Variants in RNGTT observed in about 807,000 individuals in gnomAD.
The protein encoded by RNGTT is RNA guanylyltransferase and 5'-phosphatase.
RNGTT carries 33 observed loss-of-function variants against 79.3 expected under a neutral mutation model. The observed-to-expected ratio is 0.42, with a 90% CI of 0.32 to 0.56. The LOEUF (loss-of-function observed/expected upper bound fraction) is 0.56, where lower values mean the gene tolerates loss of function less well. Ranked by LOEUF, RNGTT falls within the 20% of genes least tolerant of loss-of-function variation. The pLI is 0.17. For missense variants in RNGTT, 497 were observed against 739.1 expected, an observed-to-expected ratio of 0.67 and a Z score of 3.80; for synonymous variants, 222 against 235.9, an observed-to-expected ratio of 0.94 and a Z score of 0.54.
chr6:88,754,094 TA>T (rs1246314400), intron 13 of RNGTT, among the ~76,000 whole-genome samples: 1 of 152,054 alleles, frequency 6.6e-6, no homozygotes, highest in Non-Finnish European at 1.5e-5. Flanking sequence ...AAATTAAAAA[TA>T]AACTATTAAG....
intron 1 of RNGTT, among the ~76,000 whole-genome samples, chr6:88,956,352 CAT>C (rs1468156095): frequency 2.6e-5 from 4 of 151,190 alleles, no homozygotes; most frequent in Non-Finnish European, 5.9e-5. Flanking sequence ...CTGAAACAGT[CAT>C]AAAAAAACTG....
At chr6:88,879,744 AAT>A (rs1170232714) in intron 8 of RNGTT, among the ~76,000 whole-genome samples, 1 of 152,190 alleles carries the variant, frequency 6.6e-6, no homozygotes, top group Admixed American at 6.5e-5. Flanking sequence ...CTTTATATTA[AAT>A]ATGTTTCCCT....
At chr6:88,757,735 T>C (rs751412862) in intron 13 of RNGTT, among the ~76,000 whole-genome samples, 4 of 152,172 alleles carry the variant, frequency 2.6e-5, no homozygotes, top group Non-Finnish European at 5.9e-5. Flanking sequence ...TAACAAAACA[T>C]AACAAAATAC....
At chr6:88,928,653 G>A (rs1319432998) in intron 4 of RNGTT, among the ~76,000 whole-genome samples, 1 of 151,900 alleles carries the variant, frequency 6.6e-6, no homozygotes, top group East Asian at 1.9e-4. Context: ...CAGAAATCCT[G>A]AATAAAAAAG....
chr6:88,850,424 TAAGGACATTA>T lies in RNGTT; in HGVS notation c.1033-608_1033-599del, dbSNP rs557884969. On this transcript the variant is annotated intron_variant, in intron 9 of 15. Transcript: ENST00000369485. ...AAAAATGCAGTCTGACAGAACAAGA[TAAGGACATTA>T]AAGGATGACTACAGGTATAAAATGC... 3.9e-3 allele frequency among the ~76,000 whole-genome samples: 587 copies of T among 152,040 alleles called. 3 individuals are homozygous for T. The highest frequency in any genetic ancestry group is 0.014 in the African/African-American group (566 of 41,546).
chr6:88,739,732 T>C (rs1485091014), intron 13 of RNGTT, among the ~76,000 whole-genome samples: 1 of 15,114 alleles, frequency 6.6e-5, no homozygotes, highest in African/African-American at 2.3e-4. Context: ...AAATTATATA[T>C]ATATATATAT....
At chr6:88,768,310 T>C (rs1159684504) in intron 13 of RNGTT, among the ~76,000 whole-genome samples, 1 of 152,038 alleles carries the variant, frequency 6.6e-6, no homozygotes, top group East Asian at 1.9e-4. Flanking sequence ...GCCTCCTTAT[T>C]TTGCCCAGAC....
chr6:88,851,058 G>GA (rs1484725147), intron 9 of RNGTT, among the ~76,000 whole-genome samples: 2 of 151,852 alleles, frequency 1.3e-5, no homozygotes, highest in African/African-American at 4.8e-5. Flanking sequence ...TATAGGTGAT[G>GA]AAATGTTCTG....
chr6:88,926,626 T>G (rs75416210), intron 4 of RNGTT, among the ~76,000 whole-genome samples: 5,230 of 152,330 alleles, frequency 0.034, 322 homozygotes, highest in African/African-American at 0.12. Flanking sequence ...ACTTCTGTTA[T>G]AGAAGAGAGA....
chr6:88,846,092 A>G (rs1293665016), intron 10 of RNGTT, among the ~76,000 whole-genome samples: 3 of 152,188 alleles, frequency 2.0e-5, no homozygotes, highest in African/African-American at 4.8e-5. Flanking sequence ...AAATTCACCA[A>G]ACTTCAAGAA....
At chr6:88,946,716 A>C (rs1289552870) in intron 1 of RNGTT, among the ~76,000 whole-genome samples, 1 of 150,084 alleles carries the variant, frequency 6.7e-6, no homozygotes, top group Non-Finnish European at 1.5e-5. Context: ...CCGAAGCTGG[A>C]CTGTACTGCT....
chr6:88,809,817 G>A (rs1018724074), intron 11 of RNGTT, among the ~76,000 whole-genome samples: 1 of 152,150 alleles, frequency 6.6e-6, no homozygotes. Context: ...GGGAGGCTGA[G>A]GTGGGAGGAT....
intron 8 of RNGTT, among the ~76,000 whole-genome samples, chr6:88,859,916 C>T (rs932291442): frequency 6.6e-6 from 1 of 152,120 alleles, no homozygotes; most frequent in African/African-American, 2.4e-5. Flanking sequence ...GCCCCTAACA[C>T]AGAATAAAAG....
chr6:88,716,619 AT>A (rs1407630279), intron 13 of RNGTT, among the ~76,000 whole-genome samples: 1 of 152,244 alleles, frequency 6.6e-6, no homozygotes, highest in Non-Finnish European at 1.5e-5. Context: ...CATATACACC[AT>A]GGAATACTAT....
At position 88,611,750 on chromosome 6, in the gene RNGTT, C is replaced by T. The variant is rs916459026; in HGVS notation, c.*969G>A. On this transcript the variant is annotated 3_prime_UTR_variant, in exon 16 of 16. Coordinates refer to ENST00000369485, the MANE Select transcript of RNGTT (RefSeq NM_003800.5). ...GACAGCATTCTATTCCATGACATTA[C>T]CTTCTAATCAAAGAAGTTAGCTGGC... The T allele has an allele frequency of 6.6e-6, 1 of 152,614 alleles. No homozygotes were observed. The highest frequency in any genetic ancestry group is 1.5e-5 in the Non-Finnish European group (1 of 68,018). The allele number at this position is 152,614 out of a possible 1,614,324, so 9.5% of individuals were successfully genotyped here.
chr6:88,812,619 T>C lies in RNGTT; in HGVS notation c.1270-10987A>G, dbSNP rs368448440. Among the ~76,000 whole-genome samples the C allele has an allele frequency of 1.3e-4, 20 of 152,158 alleles. No individual in the cohort carries two copies. The East Asian group carries it at 1.3e-3, about 10-fold the overall frequency. Reference sequence around the variant, plus strand: ...AGTGGGGAGACCCCAAACTCAAATGTCTATACGTGCCAGGCCATAACCTGA... The same window carrying C: ...AGTGGGGAGACCCCAAACTCAAATGCCTATACGTGCCAGGCCATAACCTGA... On this transcript the variant is annotated intron_variant, in intron 11 of 15. Transcript: ENST00000369485.
At chr6:88,763,362 T>C (rs1439251483) in intron 13 of RNGTT, among the ~76,000 whole-genome samples, 3 of 151,660 alleles carry the variant, frequency 2.0e-5, no homozygotes, top group Admixed American at 6.6e-5. Context: ...AAGTTTTGTG[T>C]GGGCATATGT....
chr6:88,940,442 G>A (rs1784810510), intron 2 of RNGTT, among the ~76,000 whole-genome samples: 2 of 152,270 alleles, frequency 1.3e-5, no homozygotes, highest in Admixed American at 6.5e-5. Context: ...TATATCTGTG[G>A]TGTTGGTCGG....
rs1785640818 is a variant in RNGTT at position 88,961,907 on chromosome 6, A to T, written c.64+1439T>A. On this transcript the variant is annotated intron_variant, in intron 1 of 15. Transcript: ENST00000369485. Reference sequence around the variant, plus strand: ...AAAACTGGAAATAACCCAAATGACCATCAATAGATGAACAGGTAAACAAAT... The same window carrying T: ...AAAACTGGAAATAACCCAAATGACCTTCAATAGATGAACAGGTAAACAAAT... 1.3e-5 allele frequency among the ~76,000 whole-genome samples: 2 copies of T among 152,254 alleles called. 1 individual carries two copies. Among genetic ancestry groups the T allele is most frequent in the South Asian group, 4.1e-4 (2 of 4,836 alleles).
Sources: allele counts gnomAD v4.1 joint callset (sites outside exome capture counted in the v4.1 genomes callset), GRCh38; gene constraint gnomAD v4.1.1; transcripts MANE v1.5; gene names NCBI Gene and HGNC (gene_info 2026-07-23, HGNC 2026-07-21).